The following ASTN1 variants were observed in gnomAD, a reference collection of about 807,000 sequenced individuals.
ASTN1 encodes astrotactin-1.
A neutral mutation model predicts 140.7 loss-of-function variants in ASTN1; 41 were observed. The ratio of observed to expected loss-of-function variants is 0.29; its 90% CI spans 0.23 to 0.38. The LOEUF is 0.38. Among genes scored for constraint, ASTN1 ranks in the 10% least tolerant of loss-of-function variants. The pLI, the probability that ASTN1 is intolerant of heterozygous loss-of-function variation, is 1.00. For missense variants in ASTN1, 1,479 were observed against 1,678.8 expected, an observed-to-expected ratio of 0.88 and a Z score of 2.08; for synonymous variants, 640 against 652.2, an observed-to-expected ratio of 0.98 and a Z score of 0.29.
At chr1:177,093,878 A>G (rs929706997) in intron 1 of ASTN1, among the ~76,000 whole-genome samples, 1 of 152,230 alleles carries the variant, frequency 6.6e-6, no homozygotes, top group Non-Finnish European at 1.5e-5. Context: ...GTGTGTATAC[A>G]TGGGCCTGTT....
intron 3 of ASTN1, among the ~76,000 whole-genome samples, chr1:177,031,601 G>C (rs1571680704): frequency 6.6e-6 from 1 of 152,160 alleles, no homozygotes. Flanking sequence ...ATGTCTTGTA[G>C]AGAACAAGCA....
chr1:176,871,629 C>T (rs761730487), intron 21 of ASTN1, among the ~76,000 whole-genome samples: 14 of 152,214 alleles, frequency 9.2e-5, no homozygotes, highest in Non-Finnish European at 2.1e-4. Flanking sequence ...TAAGAGCCCA[C>T]ATCAGTAAGT....
At chr1:177,040,452 C>T (rs977467820) in intron 2 of ASTN1, among the ~76,000 whole-genome samples, 3 of 152,194 alleles carry the variant, frequency 2.0e-5, no homozygotes, top group African/African-American at 7.2e-5. Flanking sequence ...TTCCCCCATG[C>T]CCCTAGGACC....
At chr1:176,921,891 A>C (rs1371918361) in intron 16 of ASTN1, among the ~76,000 whole-genome samples, 1 of 152,192 alleles carries the variant, frequency 6.6e-6, no homozygotes, top group African/African-American at 2.4e-5. Context: ...ACACTCTCTT[A>C]AACAATATGC....
intron 1 of ASTN1, among the ~76,000 whole-genome samples, chr1:177,154,745 A>T (rs11806241): frequency 0.28 from 42,693 of 151,874 alleles, 10,287 homozygotes; most frequent in African/African-American, 0.66. Context: ...AAACTGAGAG[A>T]AGGTATAAAG....
intron 8 of ASTN1, 124 bp downstream of exon 8, chr1:177,014,667 C>T (rs1675453697): frequency 1.3e-6 from 1 of 769,218 alleles, no homozygotes; most frequent in Admixed American, 2.3e-5. Context: ...CATTTTTACC[C>T]ATTTGCTGTT....
chr1:176,883,938 G>T (rs776125623), intron 19 of ASTN1, among the ~76,000 whole-genome samples: 16 of 152,210 alleles, frequency 1.1e-4, no homozygotes, highest in Admixed American at 1.3e-4. Flanking sequence ...CTGGAAGGGG[G>T]TTATTAGCAA....
At chr1:176,950,643 C>G (rs1672154364) in intron 11 of ASTN1, among the ~76,000 whole-genome samples, 1 of 151,880 alleles carries the variant, frequency 6.6e-6, no homozygotes, top group Non-Finnish European at 1.5e-5. Flanking sequence ...GCAACAGATT[C>G]TGTACATTTG....
chr1:176,881,523 A>T (rs547783003), intron 20 of ASTN1, among the ~76,000 whole-genome samples: 2 of 152,286 alleles, frequency 1.3e-5, no homozygotes, highest in South Asian at 4.2e-4. Flanking sequence ...TGAGTTTGAG[A>T]TGCCTTACAG....
At chr1:177,029,464 G>A in intron 5 of ASTN1, 170 bp downstream of exon 5, 1 of 777,400 alleles carries the variant, frequency 1.3e-6, no homozygotes, top group Non-Finnish European at 2.4e-6. Context: ...TCCACTCTAG[G>A]CTCTTCTTTC....
At chr1:177,048,037 T>C (rs6670908) in intron 2 of ASTN1, among the ~76,000 whole-genome samples, 25,905 of 152,140 alleles carry the variant, frequency 0.17, 2,614 homozygotes, top group African/African-American at 0.28. Flanking sequence ...CTTACAGTAT[T>C]ATACAGGAAT....
intron 1 of ASTN1, among the ~76,000 whole-genome samples, chr1:177,134,130 A>G (rs1682065637): frequency 6.6e-6 from 1 of 152,238 alleles, no homozygotes; most frequent in Admixed American, 6.5e-5. Flanking sequence ...TTCCATGTAC[A>G]TAGCTAGCCC....
At chr1:176,894,457 A>G in intron 17 of ASTN1, 105 bp downstream of exon 17, 2 of 1,420,834 alleles carry the variant, frequency 1.4e-6, no homozygotes, top group South Asian at 1.4e-5. Context: ...CACTATCCAT[A>G]TTCTAGCATG....
At chr1:177,129,104 A>G (rs1005801541) in intron 1 of ASTN1, among the ~76,000 whole-genome samples, 2 of 152,210 alleles carry the variant, frequency 1.3e-5, no homozygotes, top group East Asian at 1.9e-4. Context: ...GAAAGAAACC[A>G]GACCACATTT....
intron 2 of ASTN1, among the ~76,000 whole-genome samples, chr1:177,033,308 T>C (rs1404667364): frequency 6.6e-6 from 1 of 152,174 alleles, no homozygotes; most frequent in South Asian, 2.1e-4. Flanking sequence ...AATCATAGAT[T>C]CTAACAGTGG....
chr1:176,903,566 C>G (rs1372105268), intron 16 of ASTN1, among the ~76,000 whole-genome samples: 1 of 152,184 alleles, frequency 6.6e-6, no homozygotes, highest in African/African-American at 2.4e-5. Flanking sequence ...TTATCTTATA[C>G]CTACATTTTG....
intron 17 of ASTN1, among the ~76,000 whole-genome samples, chr1:176,889,071 C>T (rs888559842): frequency 6.6e-5 from 10 of 152,144 alleles, no homozygotes; most frequent in African/African-American, 2.4e-4. Flanking sequence ...CATCACAGAA[C>T]CTAGCAGAAT....
intron 14 of ASTN1, among the ~76,000 whole-genome samples, chr1:176,940,759 A>T (rs2103102124): frequency 6.6e-6 from 1 of 152,356 alleles, no homozygotes; most frequent in Non-Finnish European, 1.5e-5. Flanking sequence ...AAGATAAGAC[A>T]TGTAGTTCAG....
At chr1:177,067,964 A>G (rs1156288169) in intron 1 of ASTN1, among the ~76,000 whole-genome samples, 1 of 152,146 alleles carries the variant, frequency 6.6e-6, no homozygotes, top group Admixed American at 6.6e-5. Context: ...GGAGTTCTTA[A>G]GTGCTAAAAT....
Sources: gnomAD v4.1 joint callset for allele counts (sites outside exome capture counted in the v4.1 genomes callset) on GRCh38, gnomAD v4.1.1 for gene constraint, MANE v1.5 for transcripts, NCBI Gene and HGNC (gene_info 2026-07-23, HGNC 2026-07-21) for gene names.